The following GRM5 variants were observed in gnomAD, a reference collection of about 807,000 sequenced individuals.
The protein encoded by GRM5 is glutamate metabotropic receptor 5, also known as metabotropic glutamate receptor 5.
Under a neutral mutation model 83.1 loss-of-function variants are expected in GRM5, and 19 were observed. The observed-to-expected ratio is 0.23, with a 90% CI of 0.16 to 0.34. GRM5 has a LOEUF of 0.34. Ranked by LOEUF, GRM5 falls within the 10% of genes least tolerant of loss-of-function variation. The pLI, the probability that GRM5 is intolerant of heterozygous loss-of-function variation, is 1.00. For missense variants in GRM5, 1,160 were observed against 1,588.3 expected, an observed-to-expected ratio of 0.73 and a Z score of 4.58; for synonymous variants, 675 against 633.6, an observed-to-expected ratio of 1.07 and a Z score of -0.98.
chr11:88,521,458 G>T (rs1035729108), intron 9 of GRM5, among the ~76,000 whole-genome samples: 8 of 152,236 alleles, frequency 5.3e-5, no homozygotes, highest in African/African-American at 1.9e-4. Context: ...CCAATGCCAT[G>T]CCCCTGCTGA....
chr11:88,579,743 C>T (rs1479335395), intron 7 of GRM5, among the ~76,000 whole-genome samples: 1 of 152,120 alleles, frequency 6.6e-6, no homozygotes, highest in Non-Finnish European at 1.5e-5. Context: ...TCATACAAAA[C>T]AGGAATTTGT....
chr11:89,029,519 A>T (rs1941211651), intron 2 of GRM5, among the ~76,000 whole-genome samples: 1 of 152,188 alleles, frequency 6.6e-6, no homozygotes, highest in Non-Finnish European at 1.5e-5. Context: ...ATATTTCAAT[A>T]AATCTATAGA....
At chr11:89,028,199 T>A (rs1233532640) in intron 2 of GRM5, among the ~76,000 whole-genome samples, 1 of 152,198 alleles carries the variant, frequency 6.6e-6, no homozygotes, top group African/African-American at 2.4e-5. Flanking sequence ...GACAAACCCT[T>A]ACTACAAGAA....
At chr11:88,928,484 G>GTATGTATGTATATATATATATATATT (rs1565296321) in intron 2 of GRM5, among the ~76,000 whole-genome samples, 1 of 98,476 alleles carries the variant, frequency 1.0e-5, no homozygotes, top group African/African-American at 3.4e-5. Context: ...ATATATATAT[G>GTATGTATGTATATATATATATATATT]TATATATGTA....
At chr11:88,965,590 A>G (rs55668038) in intron 2 of GRM5, among the ~76,000 whole-genome samples, 2,318 of 152,298 alleles carry the variant, frequency 0.015, 77 homozygotes, top group Admixed American at 0.083. Context: ...CACAAACCAA[A>G]CAAAGGAAAG....
At chr11:88,664,639 GT>G (rs1305583362) in intron 3 of GRM5, among the ~76,000 whole-genome samples, 1 of 151,886 alleles carries the variant, frequency 6.6e-6, no homozygotes, top group Non-Finnish European at 1.5e-5. Context: ...TTGTGACGGG[GT>G]TTCACCATGT....
intron 2 of GRM5, among the ~76,000 whole-genome samples, chr11:88,954,375 G>T (rs1938546868): frequency 6.6e-6 from 1 of 152,056 alleles, no homozygotes; most frequent in South Asian, 2.1e-4. Flanking sequence ...ATGCTAAAGT[G>T]TTTTTGCTTA....
chr11:88,524,634 C>G (rs190366280), intron 9 of GRM5, among the ~76,000 whole-genome samples: 62 of 152,344 alleles, frequency 4.1e-4, no homozygotes, highest in South Asian at 2.3e-3. Flanking sequence ...ACAACTCAAT[C>G]AGGAGTGCCT....
chr11:89,002,819 CCA>C (rs1565330425), intron 2 of GRM5, among the ~76,000 whole-genome samples: 1 of 152,060 alleles, frequency 6.6e-6, no homozygotes. Flanking sequence ...TGCTTCCCCC[CCA>C]GAGAGCCACC....
intron 3 of GRM5, among the ~76,000 whole-genome samples, chr11:88,671,966 CTT>C (rs1940206924): frequency 6.6e-6 from 1 of 151,968 alleles, no homozygotes; most frequent in Non-Finnish European, 1.5e-5. Context: ...AAACAGAAAA[CTT>C]AAAATTTAAT....
At chr11:88,587,868 A>G (rs1262146140) in intron 7 of GRM5, among the ~76,000 whole-genome samples, 1 of 152,072 alleles carries the variant, frequency 6.6e-6, no homozygotes, top group South Asian at 2.1e-4. Flanking sequence ...TAGCATAAAA[A>G]TACACAAGTT....
chr11:89,047,159 G>C lies in GRM5; in HGVS notation c.661+53C>G. On this transcript the variant is annotated intron_variant, in intron 2 of 9. Coordinates refer to ENST00000305447, the MANE Select transcript of GRM5 (RefSeq NM_001143831.3). This position sits in a 1 kb window ranked among gnomAD's most constrained non-coding sequence, Gnocchi z 5.1. ...GTTTACTCTTCCCAAACCTGAAATT[G>C]TAACTGTTGAGTGCATAATAATATA... 1.5e-6 allele frequency: 2 copies of C among 1,355,108 alleles called. No individual in the cohort carries two copies. 83.9% of individuals were successfully genotyped at this position (1,355,108 alleles called of 1,614,324 possible). A position where few individuals can be genotyped will look rare whatever the true frequency, so the allele number is the denominator to read the frequency against.
intron 8 of GRM5, among the ~76,000 whole-genome samples, chr11:88,536,216 T>C (rs1942126222): frequency 6.6e-6 from 1 of 152,244 alleles, no homozygotes; most frequent in Admixed American, 6.5e-5. Context: ...CATGGGCTTA[T>C]ACATATTTAA....
chr11:88,747,378 C>A (rs890050784), intron 3 of GRM5, among the ~76,000 whole-genome samples: 1 of 152,068 alleles, frequency 6.6e-6, no homozygotes, highest in Non-Finnish European at 1.5e-5. Context: ...AGATATAGAA[C>A]GAAGATAAAT....
chr11:88,689,421 T>C (rs969257631), intron 3 of GRM5, among the ~76,000 whole-genome samples: 1 of 152,126 alleles, frequency 6.6e-6, no homozygotes, highest in Non-Finnish European at 1.5e-5. Flanking sequence ...GTATAAGCCA[T>C]ACAAAAATGG....
At chr11:88,792,984 G>A (rs940982407) in intron 3 of GRM5, among the ~76,000 whole-genome samples, 1 of 151,878 alleles carries the variant, frequency 6.6e-6, no homozygotes, top group Non-Finnish European at 1.5e-5. Flanking sequence ...GAGTAAGACG[G>A]GCCTTGTAAT....
intron 3 of GRM5, among the ~76,000 whole-genome samples, chr11:88,719,475 A>C (rs1941483064): frequency 1.3e-5 from 2 of 152,002 alleles, no homozygotes; most frequent in African/African-American, 4.8e-5. Context: ...ATGGGCATTT[A>C]GGTTGATTCC....
intron 3 of GRM5, among the ~76,000 whole-genome samples, chr11:88,694,733 G>A (rs1481933551): frequency 2.0e-5 from 3 of 152,086 alleles, no homozygotes; most frequent in Admixed American, 2.0e-4. Context: ...TGGTTATTTA[G>A]AGAGCAATGT....
At chr11:88,833,783 C>T (rs914939709) in intron 3 of GRM5, among the ~76,000 whole-genome samples, 12 of 152,012 alleles carry the variant, frequency 7.9e-5, no homozygotes, top group Non-Finnish European at 1.2e-4. Flanking sequence ...ATACTATTAG[C>T]GCATAACAAA....
Sources: allele counts gnomAD v4.1 joint callset (sites outside exome capture counted in the v4.1 genomes callset), GRCh38; gene constraint gnomAD v4.1.1; non-coding constraint Gnocchi (gnomAD v3.1); transcripts MANE v1.5; gene names NCBI Gene and HGNC (gene_info 2026-07-23, HGNC 2026-07-21).